The following RADIL variants were observed in gnomAD, a reference collection of about 807,000 sequenced individuals.
The protein encoded by RADIL is ras-associating and dilute domain-containing protein.
RADIL carries 99 observed loss-of-function variants against 97.6 expected under a neutral mutation model. The observed-to-expected ratio is 1.01, with a 90% CI of 0.86 to 1.20. RADIL has a LOEUF of 1.20. Ranked by LOEUF, RADIL falls within the 50% of genes most tolerant of loss-of-function variation. The pLI, the probability that RADIL is intolerant of heterozygous loss-of-function variation, is 0.00. For synonymous variants in RADIL, 803 were observed against 691.8 expected, an observed-to-expected ratio of 1.16 and a Z score of -2.52; for missense variants, 1,765 against 1,498.9, an observed-to-expected ratio of 1.18 and a Z score of -2.93.
At position 4,840,028 on chromosome 7, in the gene RADIL, C is replaced by T. The variant is rs1188051935; in HGVS notation, c.536-3423G>A. ...CCTCCCAAAGTGTTGGAATTACAGG[C>T]GTGAGCCACCGCGCCCAGCATAAAC... On this transcript the variant is annotated intron_variant, in intron 2 of 14. Coordinates refer to ENST00000399583, the MANE Select transcript of RADIL (RefSeq NM_018059.5). This position sits in a 1 kb window ranked among gnomAD's most constrained non-coding sequence, Gnocchi z 5.6. Among the ~76,000 whole-genome samples, 4 of 152,302 alleles carry T rather than the reference C, an allele frequency of 2.6e-5. No individual in the cohort carries two copies. Among genetic ancestry groups the T allele is most frequent in the Non-Finnish European group, 2.9e-5 (2 of 68,026 alleles).
intron 4 of RADIL, among the ~76,000 whole-genome samples, chr7:4,833,798 G>A (rs914451323): frequency 8.4e-6 from 1 of 119,240 alleles, no homozygotes; most frequent in Non-Finnish European, 1.6e-5. Flanking sequence ...GGGGCCCAGC[G>A]GGGGGCCATG....
Position 4,822,434 on chromosome 7 carries a change from T to A in RADIL, c.1575A>T (p.Pro525=). The A allele has an allele frequency of 6.2e-7, 1 of 1,612,750 alleles. No homozygotes were observed. The highest frequency in any genetic ancestry group is 8.5e-7 in the Non-Finnish European group (1 of 1,179,922). The part of the protein sequence containing the change: ...ELLYFIQQKC[P]LYMQSMEEQL... The stretch of plus-strand genomic sequence containing the variant: ...GCTCCTCCATGCTCTGCATGTAGAG[T>A]GGGCATTTCTGCTGGATAAAGTACA... The change falls in exon 6 of 15, where the codon CCA becomes CCT. Residue 525 remains proline (P), a synonymous_variant. Transcript: ENST00000399583. This position sits in a 1 kb window ranked among gnomAD's most constrained non-coding sequence, Gnocchi z 5.3.
intron 10 of RADIL, 40 bp downstream of exon 10, chr7:4,805,526 C>A (rs773444086): frequency 1.3e-6 from 2 of 1,527,288 alleles, no homozygotes; most frequent in South Asian, 1.2e-5. Flanking sequence ...GAGTCTCCCA[C>A]TGAGTCCCCA....
In RADIL at chr7:4,860,066, G is replaced by A; in HGVS notation, c.535+17539C>T. On this transcript the variant is annotated intron_variant, in intron 2 of 14. Coordinates refer to ENST00000399583, the MANE Select transcript of RADIL (RefSeq NM_018059.5). Reference sequence around the variant, plus strand: ...TAATGCAACCCCTGAACTTTCATTGGTATTCACCTGTTGCAAGGAAAATTC... The same window carrying A: ...TAATGCAACCCCTGAACTTTCATTGATATTCACCTGTTGCAAGGAAAATTC... The A allele has an allele frequency of 2.5e-6, 4 of 1,613,974 alleles. 1 individual carries two copies. Among genetic ancestry groups the A allele is most frequent in the Non-Finnish European group, 3.4e-6 (4 of 1,179,884 alleles).
rs538568990 is a variant in RADIL at position 4,851,751 on chromosome 7, C to T, written c.536-15146G>A. Among the ~76,000 whole-genome samples, 9 of 152,154 alleles carry T rather than the reference C, an allele frequency of 5.9e-5. No individual in the cohort carries two copies. The South Asian group carries it at 1.9e-3, about 32-fold the overall frequency. ...GAGAGAGAGAAATTAAAGAACTGTT[C>T]AGCAAAAAAAGAACCAGGACTGGAC... On this transcript the variant is annotated intron_variant, in intron 2 of 14. Coordinates refer to ENST00000399583, the MANE Select transcript of RADIL (RefSeq NM_018059.5).
intron 9 of RADIL, chr7:4,811,373 C>T (rs907734158): frequency 6.6e-6 from 1 of 152,256 alleles, no homozygotes; most frequent in Non-Finnish European, 1.5e-5. Context: ...TTTCTTACAG[C>T]CCCTTTTCGA....
rs905934097 is a variant in RADIL at position 4,861,739 on chromosome 7, G to A, written c.535+15866C>T. The A allele has an allele frequency of 2.6e-6, 4 of 1,514,550 alleles. No individual in the cohort carries two copies. The African/African-American group carries it at 4.2e-5, about 16-fold the overall frequency. 93.8% of individuals were successfully genotyped at this position (1,514,550 alleles called of 1,614,324 possible). A position where few individuals can be genotyped will look rare whatever the true frequency, so the allele number is the denominator to read the frequency against. ...TGGGGACCGCTAGACTGATAGGCGA[G>A]GAGACGCCGTAGCGATTCGGCGGCG... On this transcript the variant is annotated intron_variant, in intron 2 of 14. Transcript: ENST00000399583.
chr7:4,859,848 T>C (rs1239133608), intron 2 of RADIL: 1 of 1,318,606 alleles, frequency 7.6e-7, no homozygotes, highest in African/African-American at 1.5e-5. Flanking sequence ...CGTTTTGGTT[T>C]TCTTGGTCCT....
rs1009070763 is a variant in RADIL at position 4,813,487 on chromosome 7, C to T, written c.2139+1791G>A. Among the ~76,000 whole-genome samples, 1 of 152,226 alleles carries T rather than the reference C, an allele frequency of 6.6e-6. No homozygotes were observed. Among genetic ancestry groups the T allele is most frequent in the Non-Finnish European group, 1.5e-5 (1 of 68,040 alleles). On this transcript the variant is annotated intron_variant, in intron 9 of 14. Coordinates refer to ENST00000399583, the MANE Select transcript of RADIL (RefSeq NM_018059.5). The surrounding 1 kb of genome is among the most constrained non-coding windows in gnomAD (Gnocchi z 5.0). ...TTAGGGAAAAGCCGGCCATGCAATT[C>T]AGGCCCCTGAAGTCTCTGAGCTTGC...
At position 4,799,533 on chromosome 7, in the gene RADIL, C is replaced by A. The variant is rs184739292; in HGVS notation, c.3123-50G>T. The A allele has an allele frequency of 5.2e-3, 8,376 of 1,612,982 alleles. 62 individuals are homozygous for A. The highest frequency in any genetic ancestry group is 0.018 in the South Asian group (1,630 of 91,076). On this transcript the variant is annotated intron_variant, in intron 14 of 14. Transcript: ENST00000399583. ...GTGGGCAGGAGGGCACCAGGGGAGA[C>A]CCACAGGGTGCAGCCGGGCCTCTCC... is the stretch of plus-strand genomic sequence containing the variant.
chr7:4,845,360 G>A (rs929811228), intron 2 of RADIL, among the ~76,000 whole-genome samples: 4 of 152,208 alleles, frequency 2.6e-5, no homozygotes, highest in African/African-American at 4.8e-5. Context: ...GGAGGCTGCA[G>A]TGAGCTATGA....
At position 4,805,781 on chromosome 7, in the gene RADIL, T is replaced by C. The variant is rs1053134833; in HGVS notation, c.2140-65A>G. 6 of 1,546,866 alleles carry C rather than the reference T, an allele frequency of 3.9e-6. No homozygotes were observed. In the East Asian group the frequency reaches 9.1e-5, roughly 24 times the overall value. On this transcript the variant is annotated intron_variant, in intron 9 of 14. Coordinates refer to ENST00000399583, the MANE Select transcript of RADIL (RefSeq NM_018059.5). ...GTGCAGACCCCAGCCCAAAGAGGGATGGCCTCCACAGGTGGCCTGGGGGTA... is the reference window on the plus strand; with the variant it reads ...GTGCAGACCCCAGCCCAAAGAGGGACGGCCTCCACAGGTGGCCTGGGGGTA...
At position 4,821,683 on chromosome 7, in the gene RADIL, C is replaced by T. The variant is rs571320798; in HGVS notation, c.1615+711G>A. ...CCAGCCTGGCAAACATGGTGAAACC[C>T]CATCTCTACCAAAAATACAAAAACT... is the stretch of plus-strand genomic sequence containing the variant. On this transcript the variant is annotated intron_variant, in intron 6 of 14. Transcript: ENST00000399583. This position sits in a 1 kb window ranked among gnomAD's most constrained non-coding sequence, Gnocchi z 5.2. 6.6e-6 allele frequency among the ~76,000 whole-genome samples: 1 copy of T among 152,094 alleles called. No individual in the cohort carries two copies. The highest frequency in any genetic ancestry group is 2.1e-4 in the South Asian group (1 of 4,806).
chr7:4,801,688 T>G lies in RADIL; in HGVS notation c.2807A>C (p.Asn936Thr). The change falls in exon 12 of 15, where the codon AAC (asparagine) becomes ACC (threonine). Residue 936 changes from asparagine to threonine, a missense_variant. By Grantham distance (65) the Asn-to-Thr change is moderately conservative. Transcript: ENST00000399583. The stretch of plus-strand genomic sequence containing the variant: ...TGCACCCCGGAGGCCGCTGAGTCCG[T>G]TCCTCTGCCTCTCTGGGAGCGCTTT... ...CGKALPERQR[N>T]GLSGLRGAAP... 2 of 1,608,242 alleles carry G rather than the reference T, an allele frequency of 1.2e-6. No homozygotes were observed. Among genetic ancestry groups the G allele is most frequent in the Admixed American group, 1.7e-5 (1 of 59,576 alleles).
chr7:4,800,599 C>T (rs1458959777), intron 12 of RADIL, among the ~76,000 whole-genome samples: 1 of 152,088 alleles, frequency 6.6e-6, no homozygotes, highest in African/African-American at 2.4e-5. Flanking sequence ...CTCCAGGGAC[C>T]CACGCGGTTC....
At chr7:4,846,123 CTTTTTT>C (rs548251052) in intron 2 of RADIL, among the ~76,000 whole-genome samples, 17 of 143,634 alleles carry the variant, frequency 1.2e-4, no homozygotes, top group Admixed American at 2.1e-4. Flanking sequence ...CTACAATCTT[CTTTTTT>C]TTTTTTTTTT....
chr7:4,800,480 G>A (rs1782045601), intron 12 of RADIL, among the ~76,000 whole-genome samples, 170 bp from the exon 13 acceptor site: 2 of 152,122 alleles, frequency 1.3e-5, no homozygotes, highest in African/African-American at 4.8e-5. Flanking sequence ...AGACATTAGG[G>A]TCGGGGTCCG....
Position 4,821,596 on chromosome 7 carries a change from G to A in RADIL, c.1615+798C>T, listed in dbSNP as rs1562436617. On this transcript the variant is annotated intron_variant, in intron 6 of 14. Coordinates refer to ENST00000399583, the MANE Select transcript of RADIL (RefSeq NM_018059.5). The surrounding 1 kb of genome is among the most constrained non-coding windows in gnomAD (Gnocchi z 5.2). The stretch of plus-strand genomic sequence containing the variant: ...TCCTGAAATGGTGGCCAGGCACGGT[G>A]GCTCATGCCTGTAATCCCAGCACTT... 6.6e-6 allele frequency among the ~76,000 whole-genome samples: 1 copy of A among 152,272 alleles called. No individual in the cohort carries two copies. Among genetic ancestry groups the A allele is most frequent in the East Asian group, 1.9e-4 (1 of 5,172 alleles).
chr7:4,860,261 GTCAA>G (rs955376899), intron 2 of RADIL: 24 of 1,613,840 alleles, frequency 1.5e-5, no homozygotes, highest in Non-Finnish European at 2.0e-5. Flanking sequence ...GTTCAAATCT[GTCAA>G]TCTTCTACCT....
Sources: allele counts gnomAD v4.1 joint callset (sites outside exome capture counted in the v4.1 genomes callset), GRCh38; gene constraint gnomAD v4.1.1; non-coding constraint Gnocchi (gnomAD v3.1); transcripts MANE v1.5; gene names NCBI Gene and HGNC (gene_info 2026-07-23, HGNC 2026-07-21).